The following ARAP2 variants were observed in gnomAD, a reference collection of about 807,000 sequenced individuals.
ARAP2 encodes the protein ArfGAP with RhoGAP domain, ankyrin repeat and PH domain 2, also known as arf-GAP with Rho-GAP domain, ANK repeat and PH domain-containing protein 2.
Under a neutral mutation model 194.5 loss-of-function variants are expected in ARAP2, and 148 were observed. The observed-to-expected ratio is 0.76, with a 90% confidence interval of 0.67 to 0.87. ARAP2 has a LOEUF of 0.87. Ranked by LOEUF, ARAP2 falls within the 40% of genes least tolerant of loss-of-function variation. The probability of loss-of-function intolerance (pLI) is 0.00; values close to 1 mark genes in which losing one functional copy is unlikely to be tolerated. For synonymous variants in ARAP2, 695 were observed against 683.5 expected, an observed-to-expected ratio of 1.02 and a Z score of -0.26; for missense variants, 2,128 against 1,989.7, an observed-to-expected ratio of 1.07 and a Z score of -1.32.
chr4:36,011,175 C>A (rs1714467924), intron 9 of ARAP2, among the ~76,000 whole-genome samples: 1 of 152,080 alleles, frequency 6.6e-6, no homozygotes, highest in Admixed American at 6.6e-5. Context: ...TGAGAAATAA[C>A]CCTACTCTTT....
chr4:36,130,159 C>T (rs1221432117), intron 20 of ARAP2, among the ~76,000 whole-genome samples: 1 of 151,948 alleles, frequency 6.6e-6, no homozygotes, highest in African/African-American at 2.4e-5. Flanking sequence ...TACATTGTCA[C>T]AACTCCTTGC....
At chr4:36,198,113 G>T (rs890791990) in intron 6 of ARAP2, among the ~76,000 whole-genome samples, 1 of 152,192 alleles carries the variant, frequency 6.6e-6, no homozygotes, top group Admixed American at 6.5e-5. Context: ...AAGGCGAAGA[G>T]GAGCTTTATT....
intron 2 of ARAP2, among the ~76,000 whole-genome samples, chr4:36,221,169 G>A (rs1749088565): frequency 6.6e-6 from 1 of 152,048 alleles, no homozygotes; most frequent in Non-Finnish European, 1.5e-5. Context: ...AGCCTAGGAA[G>A]AGTAGGCTCT....
intron 21 of ARAP2, among the ~76,000 whole-genome samples, chr4:36,127,780 A>G (rs555093538): frequency 1.3e-3 from 203 of 152,076 alleles, no homozygotes; most frequent in African/African-American, 4.7e-3. Flanking sequence ...AATAAAAATA[A>G]AAATGTCATA....
chr4:36,085,901 G>A (rs180980497), intron 28 of ARAP2, among the ~76,000 whole-genome samples: 1 of 151,988 alleles, frequency 6.6e-6, no homozygotes, highest in African/African-American at 2.4e-5. Flanking sequence ...TCCAGCTGGG[G>A]ACTGATCTTT....
intron 5 of ARAP2, among the ~76,000 whole-genome samples, chr4:36,035,730 C>T (rs1719796156): frequency 6.6e-6 from 1 of 152,078 alleles, no homozygotes; most frequent in African/African-American, 2.4e-5. Flanking sequence ...ATTTTATTCA[C>T]TTCAAGATGT....
Position 36,229,207 on chromosome 4 carries a change from G to A in ARAP2, c.280C>T (p.His94Tyr), listed in dbSNP as rs1412448078. 6.2e-7 allele frequency: 1 copy of A among 1,614,046 alleles called. No homozygotes were observed. Among genetic ancestry groups the A allele is most frequent in the Non-Finnish European group, 8.5e-7 (1 of 1,179,984 alleles). ...ATATTCTGATCAGAAGATGGAACAT[G>A]GTAATCCTTTGAAGGGTCATCATTC... ...KKNDDPSKDY[H>Y]VPSSDQNICI... Residue 94 changes from histidine (H) to tyrosine (Y), a missense_variant, in exon 2 of 33, where the codon CAT (histidine) becomes TAT (tyrosine). By Grantham distance (83) the His-to-Tyr change is moderately conservative. Coordinates refer to ENST00000303965, the MANE Select transcript of ARAP2 (RefSeq NM_015230.4).
intron 19 of ARAP2, among the ~76,000 whole-genome samples, chr4:36,137,420 C>T (rs1260060693): frequency 6.6e-6 from 1 of 151,858 alleles, no homozygotes; most frequent in Non-Finnish European, 1.5e-5. Context: ...AATCCAATTG[C>T]ATTTCCTAAA....
At chr4:36,131,315 T>C (rs1310780099) in intron 20 of ARAP2, among the ~76,000 whole-genome samples, 2 of 150,800 alleles carry the variant, frequency 1.3e-5, no homozygotes, top group South Asian at 4.2e-4. Flanking sequence ...TCAGTAGATA[T>C]ATAATACAAA....
At chr4:36,167,074 T>C (rs141332685) in intron 9 of ARAP2, 27 bp from the exon 10 acceptor site, 3 of 1,268,134 alleles carry the variant, frequency 2.4e-6, no homozygotes, top group Admixed American at 2.4e-5. Context: ...CATAAAAAAC[T>C]ATAAAGAAAC....
intron 1 of ARAP2, among the ~76,000 whole-genome samples, chr4:36,234,415 C>T (rs1009291393): frequency 6.6e-6 from 1 of 152,196 alleles, no homozygotes; most frequent in African/African-American, 2.4e-5. Context: ...CTCCCCCAAA[C>T]CCCACCTCTT....
At chr4:36,138,089 GTA>G (rs762825088) in intron 19 of ARAP2, among the ~76,000 whole-genome samples, 32 of 151,766 alleles carry the variant, frequency 2.1e-4, no homozygotes, top group Non-Finnish European at 4.0e-4. Flanking sequence ...CTTTAGAAGG[GTA>G]TGCTGTGCAT....
intron 31 of ARAP2, among the ~76,000 whole-genome samples, chr4:36,076,617 C>T (rs1341856782): frequency 2.0e-5 from 3 of 151,866 alleles, no homozygotes; most frequent in African/African-American, 7.3e-5. Context: ...CAACCCTCCT[C>T]CATGCTTCCC....
intron 3 of ARAP2, among the ~76,000 whole-genome samples, chr4:36,048,824 T>G (rs1577657661): frequency 6.6e-6 from 1 of 152,240 alleles, no homozygotes; most frequent in Non-Finnish European, 1.5e-5. Context: ...TTGAATTACA[T>G]TCTCACTAGC....
At chr4:36,153,394 G>T (rs939304731) in intron 15 of ARAP2, among the ~76,000 whole-genome samples, 4 of 152,074 alleles carry the variant, frequency 2.6e-5, no homozygotes, top group Non-Finnish European at 5.9e-5. Context: ...AGAAATGTCG[G>T]TACCCTCCAT....
At chr4:36,233,986 C>T (rs1751982980) in intron 1 of ARAP2, among the ~76,000 whole-genome samples, 1 of 152,220 alleles carries the variant, frequency 6.6e-6, no homozygotes, top group Non-Finnish European at 1.5e-5. Flanking sequence ...CTTGGACTTA[C>T]AATGAAGTTA....
In ARAP2 at chr4:36,066,999, T is replaced by C. The variant is rs1012744677; in HGVS notation, c.*908A>G. 3 of 152,200 alleles carry C rather than the reference T, an allele frequency of 2.0e-5. No individual in the cohort carries two copies. Among genetic ancestry groups the C allele is most frequent in the African/African-American group, 7.2e-5 (3 of 41,448 alleles). 9.4% of individuals were successfully genotyped at this position (152,200 alleles called of 1,614,324 possible). ...CAACAGGACCCTGTGGTGATGAATTTTGTTCGTACCAAAAGTATAGTCAGA... is the reference window on the plus strand; with the variant it reads ...CAACAGGACCCTGTGGTGATGAATTCTGTTCGTACCAAAAGTATAGTCAGA... On this transcript the variant is annotated 3_prime_UTR_variant, in exon 33 of 33. Transcript: ENST00000303965.
At chr4:36,094,752 G>C in intron 27 of ARAP2, among the ~76,000 whole-genome samples, 1 of 152,150 alleles carries the variant, frequency 6.6e-6, no homozygotes, top group East Asian at 1.9e-4. Context: ...GGCAAGCACT[G>C]TGCTAGCCCT....
intron 2 of ARAP2, among the ~76,000 whole-genome samples, chr4:36,218,262 A>C (rs992887247): frequency 2.6e-5 from 4 of 152,198 alleles, no homozygotes; most frequent in Non-Finnish European, 4.4e-5. Flanking sequence ...GTAAGAGCTA[A>C]ATGATGAGAA....
Sources: allele counts gnomAD v4.1 joint callset (sites outside exome capture counted in the v4.1 genomes callset), GRCh38; gene constraint gnomAD v4.1.1; transcripts MANE v1.5; gene names NCBI Gene and HGNC (gene_info 2026-07-23, HGNC 2026-07-21).